Variants in C1QTNF7 observed in about 807,000 individuals in gnomAD.
C1QTNF7 encodes the protein C1q and TNF related 7.
In C1QTNF7, 15 loss-of-function variants were observed where a neutral mutation model predicts 19.6. That is an observed-to-expected ratio of 0.76 (90% CI 0.51 to 1.18). The LOEUF is 1.18. C1QTNF7 is among the 50% of genes most tolerant of loss of function. C1QTNF7 has a pLI of 0.00. For missense variants in C1QTNF7, 324 were observed against 359.7 expected (o/e 0.90, Z 0.80); for synonymous variants, 142 against 137.5 (o/e 1.03, Z -0.23).
At chr4:15,357,494 A>G (rs1483194533) in intron 1 of C1QTNF7, among the ~76,000 whole-genome samples, 1 of 152,134 alleles carries the variant, frequency 6.6e-6, no homozygotes, top group South Asian at 2.1e-4. Flanking sequence ...GCAGCCTTGT[A>G]GTATAGTTTG....
chr4:15,412,106 C>A (rs977933794), intron 1 of C1QTNF7, among the ~76,000 whole-genome samples: 1 of 152,150 alleles, frequency 6.6e-6, no homozygotes, highest in Admixed American at 6.5e-5. Context: ...AGGTTGCACA[C>A]TCCTTATGAG....
chr4:15,416,298 T>C (rs752775274), intron 1 of C1QTNF7, among the ~76,000 whole-genome samples: 7 of 152,378 alleles, frequency 4.6e-5, no homozygotes, highest in Non-Finnish European at 1.0e-4. Flanking sequence ...ACTTTCTACA[T>C]GCCAGGCTCT....
chr4:15,436,620 A>G (rs1159535026), intron 2 of C1QTNF7, among the ~76,000 whole-genome samples: 3 of 152,356 alleles, frequency 2.0e-5, no homozygotes, highest in Admixed American at 6.5e-5. Flanking sequence ...ACAGCTCTTT[A>G]CAGCAACACA....
intron 1 of C1QTNF7, among the ~76,000 whole-genome samples, chr4:15,408,317 ATAAG>A (rs1719273619): frequency 6.6e-6 from 1 of 151,168 alleles, no homozygotes; most frequent in Non-Finnish European, 1.5e-5. Context: ...GTATATACAG[ATAAG>A]TATGTATATA....
upstream of C1QTNF7, among the ~76,000 whole-genome samples, chr4:15,423,641 C>A (rs1711892914): frequency 6.6e-6 from 1 of 152,216 alleles, no homozygotes; most frequent in Admixed American, 6.5e-5. Context: ...CAAAACCTCC[C>A]GTGGCCAACA....
At chr4:15,403,767 A>AG (rs1719083545) in intron 1 of C1QTNF7, among the ~76,000 whole-genome samples, 1 of 152,218 alleles carries the variant, frequency 6.6e-6, no homozygotes, top group African/African-American at 2.4e-5. Context: ...GAATGGTGTA[A>AG]CAACTAAAAC....
At chr4:15,391,056 C>G (rs1272121091) in intron 1 of C1QTNF7, among the ~76,000 whole-genome samples, 1 of 152,040 alleles carries the variant, frequency 6.6e-6, no homozygotes, top group Non-Finnish European at 1.5e-5. Context: ...CTTTTGAATG[C>G]ACATAATTAA....
upstream of C1QTNF7, among the ~76,000 whole-genome samples, chr4:15,423,317 G>A (rs62289290): frequency 0.42 from 39,786 of 95,066 alleles, 6,042 homozygotes; most frequent in East Asian, 0.59. Context: ...TCCTGTCTTC[G>A]CTTTCAAGCT....
At chr4:15,440,833 C>T (rs545291970) in intron 2 of C1QTNF7, among the ~76,000 whole-genome samples, 2 of 152,102 alleles carry the variant, frequency 1.3e-5, no homozygotes, top group Non-Finnish European at 2.9e-5. Flanking sequence ...GTGCCAGATG[C>T]GCTTTCGAAT....
upstream of C1QTNF7, among the ~76,000 whole-genome samples, chr4:15,427,609 C>A (rs964419162): frequency 6.6e-6 from 1 of 152,208 alleles, no homozygotes; most frequent in Non-Finnish European, 1.5e-5. Context: ...CATTATTCCA[C>A]AAGACACCAT....
intron 1 of C1QTNF7, among the ~76,000 whole-genome samples, chr4:15,348,302 C>G (rs1472132563): frequency 1.3e-5 from 2 of 152,148 alleles, no homozygotes; most frequent in Non-Finnish European, 2.9e-5. Context: ...AGTATTTCCA[C>G]AATGCTGTCA....
At chr4:15,436,569 A>G (rs966510016) in intron 2 of C1QTNF7, among the ~76,000 whole-genome samples, 2 of 152,232 alleles carry the variant, frequency 1.3e-5, no homozygotes, top group African/African-American at 2.4e-5. Flanking sequence ...CTAGCTCATC[A>G]CTTTCCCACC....
chr4:15,351,417 C>T (rs868603124), intron 1 of C1QTNF7, among the ~76,000 whole-genome samples: 1 of 152,082 alleles, frequency 6.6e-6, no homozygotes, highest in African/African-American at 2.4e-5. Flanking sequence ...TCTTTTACTA[C>T]TCAAACAACA....
intron 2 of C1QTNF7, among the ~76,000 whole-genome samples, chr4:15,439,772 CA>C (rs1712675331): frequency 1.3e-5 from 2 of 152,110 alleles, no homozygotes. Flanking sequence ...TATCATCATA[CA>C]AGCACTATTT....
At chr4:15,374,042 A>G (rs1210862450) in intron 1 of C1QTNF7, 1 of 152,214 alleles carries the variant, frequency 6.6e-6, no homozygotes, top group East Asian at 1.9e-4. Flanking sequence ...ACTCAGAAAC[A>G]TTAAGGGCCA....
intron 1 of C1QTNF7, among the ~76,000 whole-genome samples, chr4:15,398,479 C>T (rs563046107): frequency 1.3e-5 from 2 of 152,028 alleles, no homozygotes; most frequent in East Asian, 3.9e-4. Flanking sequence ...CCTTCACAGA[C>T]TTTCTGTTCC....
chr4:15,375,207 G>T (rs1313666638), intron 1 of C1QTNF7, among the ~76,000 whole-genome samples: 1 of 152,040 alleles, frequency 6.6e-6, no homozygotes, highest in African/African-American at 2.4e-5. Flanking sequence ...TACACTGTAG[G>T]ATTTTAGTAG....
At chr4:15,415,657 A>G (rs1446926555) in intron 1 of C1QTNF7, among the ~76,000 whole-genome samples, 1 of 150,138 alleles carries the variant, frequency 6.7e-6, no homozygotes. Context: ...GGTTCTCACT[A>G]TGTTGCCCAG....
intron 1 of C1QTNF7, among the ~76,000 whole-genome samples, chr4:15,397,368 T>A (rs938928757): frequency 6.6e-6 from 1 of 152,200 alleles, no homozygotes; most frequent in African/African-American, 2.4e-5. Flanking sequence ...GTGGACTCTA[T>A]AGCTACTCGC....
Sources: allele counts gnomAD v4.1 joint callset (sites outside exome capture counted in the v4.1 genomes callset), GRCh38; gene constraint gnomAD v4.1.1; transcripts MANE v1.5; gene names NCBI Gene and HGNC (gene_info 2026-07-23, HGNC 2026-07-21).